Variants in OSBPL6 observed in about 807,000 individuals in gnomAD.
OSBPL6 encodes oxysterol-binding protein-related protein 6.
Under a neutral mutation model 125.8 loss-of-function variants are expected in OSBPL6, and 49 were observed. The observed-to-expected ratio is 0.39, with a 90% CI of 0.31 to 0.49. The LOEUF (loss-of-function observed/expected upper bound fraction) is 0.49, where lower values mean the gene tolerates loss of function less well. OSBPL6 is among the 20% of genes least tolerant of loss of function. The pLI, the probability that OSBPL6 is intolerant of heterozygous loss-of-function variation, is 0.88. For synonymous variants in OSBPL6, 394 were observed against 391.8 expected, an observed-to-expected ratio of 1.01 and a Z score of -0.07; for missense variants, 986 against 1,135.4, an observed-to-expected ratio of 0.87 and a Z score of 1.89.
intron 1 of OSBPL6, among the ~76,000 whole-genome samples, chr2:178,261,146 C>CAAACA (rs957167654): frequency 2.0e-5 from 3 of 151,780 alleles, no homozygotes; most frequent in African/African-American, 4.8e-5. Flanking sequence ...CAAAACAATA[C>CAAACA]AAACAAAACA....
intron 2 of OSBPL6, among the ~76,000 whole-genome samples, 187 bp from the exon 3 acceptor site, chr2:178,305,843 G>C (rs1686711981): frequency 1.2e-5 from 1 of 81,544 alleles, no homozygotes; most frequent in Non-Finnish European, 2.2e-5. Flanking sequence ...CTTGTTAACA[G>C]TCCTTTTTTT....
chr2:178,379,108 G>C (rs1694165221), intron 15 of OSBPL6, among the ~76,000 whole-genome samples: 2 of 152,084 alleles, frequency 1.3e-5, no homozygotes, highest in African/African-American at 4.8e-5. Context: ...GGAGGGAAAG[G>C]CTGTGTCGAG....
Position 178,398,940 on chromosome 2 carries a change from T to C in OSBPL6, c.*3381T>C, listed in dbSNP as rs2154122607. On this transcript the variant is annotated 3_prime_UTR_variant, in exon 25 of 25. Transcript: ENST00000190611. ...ATAATCATAAAGTACATTTTTGTTA[T>C]TACCTTGTGGATTTTAATTATCCAT... is the stretch of plus-strand genomic sequence containing the variant. The C allele has an allele frequency of 6.6e-6, 1 of 152,146 alleles. No homozygotes were observed. The highest frequency in any genetic ancestry group is 1.9e-4 in the East Asian group (1 of 5,178). 9.4% of individuals were successfully genotyped at this position (152,146 alleles called of 1,614,324 possible). A position where few individuals can be genotyped will look rare whatever the true frequency, so the allele number is the denominator to read the frequency against.
intron 1 of OSBPL6, among the ~76,000 whole-genome samples, chr2:178,248,357 A>T (rs958880472): frequency 6.6e-6 from 1 of 152,216 alleles, no homozygotes; most frequent in African/African-American, 2.4e-5. Context: ...GGTTGTGGAT[A>T]TGATGGTATA....
intron 3 of OSBPL6, among the ~76,000 whole-genome samples, chr2:178,314,221 A>G (rs1210092265): frequency 6.6e-6 from 1 of 152,246 alleles, no homozygotes; most frequent in Non-Finnish European, 1.5e-5. Flanking sequence ...TCTCAAACAA[A>G]AATGTTCTAA....
At chr2:178,212,394 A>G (rs996236165) in intron 1 of OSBPL6, among the ~76,000 whole-genome samples, 1 of 152,194 alleles carries the variant, frequency 6.6e-6, no homozygotes, top group African/African-American at 2.4e-5. Flanking sequence ...CTATCGGTTC[A>G]GTGTTTTATT....
intron 24 of OSBPL6, 145 bp downstream of exon 24, chr2:178,394,580 C>T: frequency 9.0e-7 from 1 of 1,108,496 alleles, no homozygotes; most frequent in Non-Finnish European, 1.3e-6. Context: ...ATCGATTTTG[C>T]ACTTATGAAA....
chr2:178,275,510 A>T (rs2092451406), intron 1 of OSBPL6, among the ~76,000 whole-genome samples: 1 of 152,122 alleles, frequency 6.6e-6, no homozygotes, highest in African/African-American at 2.4e-5. Flanking sequence ...TGTCTCAAAA[A>T]TAATAATGAT....
At chr2:178,278,856 T>C (rs1020114321) in intron 1 of OSBPL6, among the ~76,000 whole-genome samples, 4 of 152,174 alleles carry the variant, frequency 2.6e-5, no homozygotes, top group Admixed American at 2.6e-4. Context: ...GTGGTGACAA[T>C]AGGCAAAGTA....
intron 5 of OSBPL6, 117 bp from the exon 6 acceptor site, chr2:178,331,435 C>T: frequency 5.6e-6 from 6 of 1,065,402 alleles, no homozygotes; most frequent in Non-Finnish European, 8.8e-6. Flanking sequence ...AATCCAGATA[C>T]ATTAAAATGA....
intron 1 of OSBPL6, among the ~76,000 whole-genome samples, chr2:178,214,307 T>C (rs1295999672): frequency 6.6e-6 from 1 of 152,226 alleles, no homozygotes; most frequent in African/African-American, 2.4e-5. Flanking sequence ...TAGATTTTGC[T>C]AACTGTTCAG....
At chr2:178,342,595 G>C (rs1253898578) in intron 11 of OSBPL6, among the ~76,000 whole-genome samples, 5 of 152,074 alleles carry the variant, frequency 3.3e-5, no homozygotes, top group Non-Finnish European at 7.4e-5. Context: ...TGTCCTAGAG[G>C]GTTCTGTGGA....
chr2:178,211,955 T>G (rs901165997), intron 1 of OSBPL6, among the ~76,000 whole-genome samples: 2 of 152,212 alleles, frequency 1.3e-5, no homozygotes, highest in African/African-American at 4.8e-5. Flanking sequence ...TTCCAGGTCA[T>G]AAATTTGAAC....
At chr2:178,348,271 A>G (rs1353981532) in intron 11 of OSBPL6, among the ~76,000 whole-genome samples, 1 of 152,188 alleles carries the variant, frequency 6.6e-6, no homozygotes, top group Non-Finnish European at 1.5e-5. Context: ...CAAAATTTCA[A>G]CTTGTGGTGG....
At chr2:178,385,861 G>A (rs576087592) in intron 19 of OSBPL6, among the ~76,000 whole-genome samples, 2 of 152,298 alleles carry the variant, frequency 1.3e-5, no homozygotes, top group South Asian at 4.1e-4. Flanking sequence ...GTTCTTCGGG[G>A]TGTGCAAAGA....
chr2:178,214,407 A>G (rs1023354715), intron 1 of OSBPL6, among the ~76,000 whole-genome samples: 1 of 152,208 alleles, frequency 6.6e-6, no homozygotes, highest in African/African-American at 2.4e-5. Flanking sequence ...TAAAAGATTT[A>G]TTGCACACAT....
intron 1 of OSBPL6, among the ~76,000 whole-genome samples, chr2:178,219,999 C>T (rs1278615913): frequency 6.6e-6 from 1 of 152,112 alleles, no homozygotes; most frequent in African/African-American, 2.4e-5. Context: ...TTTAAGATTT[C>T]GAGTGCTTAG....
intron 13 of OSBPL6, among the ~76,000 whole-genome samples, chr2:178,362,260 T>C (rs917810460): frequency 2.6e-5 from 4 of 152,212 alleles, no homozygotes; most frequent in African/African-American, 9.6e-5. Context: ...AAATTACTGA[T>C]TACTATCACT....
In OSBPL6 at chr2:178,205,949, T is replaced by C. The variant is rs563888272; in HGVS notation, c.-351+11275T>C. Among the ~76,000 whole-genome samples the C allele has an allele frequency of 2.0e-5, 3 of 152,324 alleles. No individual in the cohort carries two copies. The South Asian group carries it at 6.2e-4, about 32-fold the overall frequency. On this transcript the variant is annotated intron_variant, in intron 1 of 24. Transcript: ENST00000190611. ...AAAGGGTGGGCAAAAAAGTATTAAT[T>C]TTGCCTTTTTTGAAAATGATATTTC...
Sources: allele counts gnomAD v4.1 joint callset (sites outside exome capture counted in the v4.1 genomes callset), GRCh38; gene constraint gnomAD v4.1.1; transcripts MANE v1.5; gene names NCBI Gene and HGNC (gene_info 2026-07-23, HGNC 2026-07-21).